CTCF: variants seen among roughly 807,000 people sequenced by gnomAD.
CTCF encodes CCCTC-binding factor, also known as transcriptional repressor CTCF.
In CTCF, 7 loss-of-function variants were observed where a neutral mutation model predicts 72.3. The observed-to-expected ratio is 0.10, with a 90% CI of 0.06 to 0.18. CTCF has a LOEUF of 0.18. Ranked by LOEUF, CTCF falls within the 10% of genes least tolerant of loss-of-function variation. The pLI is 1.00. For synonymous variants in CTCF, 374 were observed against 315.8 expected (o/e 1.18, Z -1.95); for missense variants, 516 against 949.1 (o/e 0.54, Z 6.00).
In CTCF at chr16:67,616,842, A is replaced by G; in HGVS notation, c.1050A>G (p.Pro350=). ...HRRYKHTHEK[P]FKCSMCDYAS... ...GTTACAAACACACCCACGAGAAGCC[A>G]TTCAAGTGTTCCATGTGCGATTACG... The change falls in exon 5 of 12, where the codon CCA becomes CCG. Residue 350 remains proline, a synonymous_variant. Coordinates refer to ENST00000264010, the MANE Select transcript of CTCF (RefSeq NM_006565.4). The G allele has an allele frequency of 6.2e-6, 10 of 1,614,174 alleles. No homozygotes were observed. Among genetic ancestry groups the G allele is most frequent in the Non-Finnish European group, 6.8e-6 (8 of 1,180,038 alleles).
At chr16:67,579,802 A>G (rs1354565441) in intron 2 of CTCF, among the ~76,000 whole-genome samples, 1 of 152,176 alleles carries the variant, frequency 6.6e-6, no homozygotes, top group East Asian at 1.9e-4. Context: ...TTGCTTGTAT[A>G]TTCCTAGAAG....
Position 67,562,626 on chromosome 16 carries a change from C to T in CTCF, c.-225C>T. On this transcript the variant is annotated 5_prime_UTR_variant, in exon 1 of 12. Transcript: ENST00000264010. ...GCTTCTTTGGCGGCAGCGGCGGCGG[C>T]GGTGGCCGGTGCGGACGCGCGGAGC... 1 of 152,866 alleles carries T rather than the reference C, an allele frequency of 6.5e-6. No individual in the cohort carries two copies. Among genetic ancestry groups the T allele is most frequent in the South Asian group, 1.8e-4 (1 of 5,568 alleles). The allele number at this position is 152,866 out of a possible 1,614,324, so 9.5% of individuals were successfully genotyped here. A position where few individuals can be genotyped will look rare whatever the true frequency, so the allele number is the denominator to read the frequency against.
chr16:67,590,564 C>T (rs2051728484), intron 2 of CTCF, among the ~76,000 whole-genome samples: 2 of 151,894 alleles, frequency 1.3e-5, no homozygotes, highest in African/African-American at 2.4e-5. Context: ...GTCTCGATCT[C>T]CTGACCTTGT....
At chr16:67,614,164 T>G (rs940725317) in intron 4 of CTCF, among the ~76,000 whole-genome samples, 2 of 151,704 alleles carry the variant, frequency 1.3e-5, no homozygotes, top group African/African-American at 4.8e-5. Flanking sequence ...CTGGCTAACA[T>G]GACGAAACCT....
At chr16:67,633,825 C>T (rs1402816090) in intron 10 of CTCF, among the ~76,000 whole-genome samples, 1 of 152,058 alleles carries the variant, frequency 6.6e-6, no homozygotes, top group African/African-American at 2.4e-5. Context: ...CTCTCACTCA[C>T]TCACTCTTAC....
chr16:67,636,005 G>A (rs1404537603), intron 10 of CTCF, among the ~76,000 whole-genome samples: 1 of 152,096 alleles, frequency 6.6e-6, no homozygotes, highest in African/African-American at 2.4e-5. Context: ...GCCGAAGCAG[G>A]CAGATTGCCT....
intron 2 of CTCF, among the ~76,000 whole-genome samples, chr16:67,582,109 A>T (rs1013966107): frequency 6.6e-6 from 1 of 151,924 alleles, no homozygotes; most frequent in Non-Finnish European, 1.5e-5. Flanking sequence ...AGTCCCAGCT[A>T]CTGGGGAGGC....
At chr16:67,633,781 GACACAC>G (rs10587869) in intron 10 of CTCF, among the ~76,000 whole-genome samples, 132 of 143,190 alleles carry the variant, frequency 9.2e-4, no homozygotes, top group South Asian at 2.0e-3. Flanking sequence ...CTTGTCCCCT[GACACAC>G]ACACACACAC....
At chr16:67,593,038 T>TTA (rs1021854597) in intron 2 of CTCF, among the ~76,000 whole-genome samples, 24 of 149,422 alleles carry the variant, frequency 1.6e-4, no homozygotes, top group African/African-American at 2.2e-4. Flanking sequence ...AAAAAAAAAT[T>TTA]TATATATATA....
At chr16:67,572,166 G>A (rs940493301) in intron 2 of CTCF, among the ~76,000 whole-genome samples, 1 of 152,120 alleles carries the variant, frequency 6.6e-6, no homozygotes, top group African/African-American at 2.4e-5. Context: ...ATAAAGAGAA[G>A]GGAATAGGAA....
chr16:67,624,453 C>A (rs1397263840), intron 7 of CTCF, among the ~76,000 whole-genome samples: 1 of 152,050 alleles, frequency 6.6e-6, no homozygotes, highest in African/African-American at 2.4e-5. Context: ...TTGACAGTAC[C>A]CTCTTCCTTT....
chr16:67,590,114 T>G (rs1327553354), intron 2 of CTCF, among the ~76,000 whole-genome samples: 1 of 127,030 alleles, frequency 7.9e-6, no homozygotes, highest in African/African-American at 2.8e-5. Context: ...CAGTTAGAAC[T>G]TTTTTTTTTT....
chr16:67,589,886 A>C (rs902898690), intron 2 of CTCF, among the ~76,000 whole-genome samples: 2 of 152,272 alleles, frequency 1.3e-5, no homozygotes, highest in East Asian at 1.9e-4. Context: ...CAGGAGTTTG[A>C]GACCAGCTTG....
chr16:67,630,252 G>A (rs2052346497), intron 10 of CTCF, among the ~76,000 whole-genome samples: 1 of 152,168 alleles, frequency 6.6e-6, no homozygotes, highest in Non-Finnish European at 1.5e-5. Flanking sequence ...GAAGAAGGTT[G>A]TTTAAGCATC....
chr16:67,610,657 A>G (rs928627498), intron 2 of CTCF, 167 bp from the exon 3 acceptor site: 1 of 392,904 alleles, frequency 2.5e-6, no homozygotes, highest in Non-Finnish European at 4.4e-6. Flanking sequence ...CCTGGCCAGT[A>G]GTGGTTGTTT....
At chr16:67,582,294 A>C (rs540278664) in intron 2 of CTCF, among the ~76,000 whole-genome samples, 8 of 151,604 alleles carry the variant, frequency 5.3e-5, no homozygotes, top group Non-Finnish European at 1.0e-4. Context: ...TGCATGCTTT[A>C]GTTTTCTGAA....
chr16:67,611,759 T>G, intron 3 of CTCF, 146 bp downstream of exon 3: 2 of 1,018,774 alleles, frequency 2.0e-6, no homozygotes, highest in African/African-American at 1.6e-5. Flanking sequence ...CTAAAATAAG[T>G]TTTTTCCAGA....
At chr16:67,612,700 A>C (rs551778582) in intron 4 of CTCF, among the ~76,000 whole-genome samples, 2 of 152,140 alleles carry the variant, frequency 1.3e-5, no homozygotes, top group Non-Finnish European at 2.9e-5. Context: ...TGGGAGGCTG[A>C]GGTGGGCAGA....
chr16:67,595,405 C>G (rs771904699), intron 2 of CTCF, among the ~76,000 whole-genome samples: 2 of 152,140 alleles, frequency 1.3e-5, no homozygotes, highest in African/African-American at 4.8e-5. Flanking sequence ...GTACCTTCAT[C>G]GTACAGAAAT....
Sources: gnomAD v4.1 joint callset for allele counts (sites outside exome capture counted in the v4.1 genomes callset) on GRCh38, gnomAD v4.1.1 for gene constraint, MANE v1.5 for transcripts, NCBI Gene and HGNC (gene_info 2026-07-23, HGNC 2026-07-21) for gene names.